The following TAFA2 variants were observed in gnomAD, a reference collection of about 807,000 sequenced individuals.
TAFA2 encodes the protein chemokine-like protein TAFA-2.
In TAFA2, 7 loss-of-function variants were observed where a neutral mutation model predicts 18.8. That is an observed-to-expected ratio of 0.37 (90% confidence interval 0.21 to 0.70). The LOEUF is 0.70. TAFA2 is among the 30% of genes least tolerant of loss of function. TAFA2 has a pLI of 0.53. For missense variants in TAFA2, 122 were observed against 158.1 expected, an observed-to-expected ratio of 0.77 and a Z score of 1.23; for synonymous variants, 60 against 54.2, an observed-to-expected ratio of 1.11 and a Z score of -0.47.
intron 1 of TAFA2, among the ~76,000 whole-genome samples, chr12:61,999,511 AT>A (rs1336048413): frequency 3.5e-4 from 53 of 152,338 alleles, no homozygotes; most frequent in African/African-American, 1.2e-3. Context: ...CCATTCGTTC[AT>A]TCATTGTTGG....
intron 1 of TAFA2, among the ~76,000 whole-genome samples, chr12:62,137,587 A>C (rs1870948697): frequency 6.6e-6 from 1 of 152,108 alleles, no homozygotes; most frequent in Non-Finnish European, 1.5e-5. Context: ...AAAACACGTT[A>C]GAGCTTAGGG....
intron 2 of TAFA2, among the ~76,000 whole-genome samples, chr12:61,811,802 G>A (rs1871881126): frequency 6.6e-6 from 1 of 151,286 alleles, no homozygotes; most frequent in South Asian, 2.1e-4. Flanking sequence ...ATCAAGAACA[G>A]GAAACGGATT....
At chr12:61,895,386 T>C (rs1875797839) in intron 1 of TAFA2, among the ~76,000 whole-genome samples, 1 of 152,094 alleles carries the variant, frequency 6.6e-6, no homozygotes, top group Non-Finnish European at 1.5e-5. Context: ...TCACCACCCA[T>C]AAAGCATACA....
chr12:61,941,712 G>T (rs555269389), intron 1 of TAFA2, among the ~76,000 whole-genome samples: 1 of 152,300 alleles, frequency 6.6e-6, no homozygotes, highest in South Asian at 2.1e-4. Flanking sequence ...GGAAAATGGG[G>T]TCACTCCCAC....
At position 62,205,290 on chromosome 12, in the gene TAFA2, G is replaced by A. The variant is rs964724286; in HGVS notation, c.-130+53473C>T. On this transcript the variant is annotated intron_variant, in intron 1 of 5. Coordinates refer to the TAFA2 transcript ENST00000551619. The stretch of plus-strand genomic sequence containing the variant: ...GTGTCTGGTGACCACTCTTGGGGGG[G>A]TCTCACCCAGTCAAGAGGCACAGGA... Among the ~76,000 whole-genome samples, 9 of 152,332 alleles carry A rather than the reference G, an allele frequency of 5.9e-5. No homozygotes were observed. The East Asian group carries it at 1.4e-3, about 23-fold the overall frequency.
intron 1 of TAFA2, chr12:62,021,564 C>G: frequency 1.3e-6 from 1 of 794,818 alleles, no homozygotes. Context: ...CAAGGAGACC[C>G]TGTTACGCTG....
At chr12:62,104,082 C>A (rs1380280727) in intron 1 of TAFA2, among the ~76,000 whole-genome samples, 1 of 152,040 alleles carries the variant, frequency 6.6e-6, no homozygotes, top group Non-Finnish European at 1.5e-5. Context: ...CAGAATCCTA[C>A]AATATAATTG....
At chr12:62,228,571 T>C (rs1283695457) in intron 1 of TAFA2, among the ~76,000 whole-genome samples, 1 of 152,238 alleles carries the variant, frequency 6.6e-6, no homozygotes, top group Non-Finnish European at 1.5e-5. Context: ...TTTTTTATAA[T>C]AGCCATTCTG....
At chr12:61,801,284 T>C (rs1182568495) in intron 2 of TAFA2, among the ~76,000 whole-genome samples, 1 of 152,114 alleles carries the variant, frequency 6.6e-6, no homozygotes, top group African/African-American at 2.4e-5. Context: ...AAAATTTGTA[T>C]GGAACCACAA....
rs1321350126 is a variant in TAFA2, at chr12:61,824,382, T to TGGTAA, written c.106+42933_106+42937dup. On this transcript the variant is annotated intron_variant, in intron 2 of 4. Coordinates refer to ENST00000416284, the MANE Select transcript of TAFA2 (RefSeq NM_178539.5). ...TGTGTTGTTTAAGCTGCTAAAATTA[T>TGGTAA]GGTAAGTTGCTATATGGCAATAGGT... Among the ~76,000 whole-genome samples, 3 of 152,196 alleles carry TGGTAA rather than the reference T, an allele frequency of 2.0e-5. No individual in the cohort carries two copies. In the East Asian group the frequency reaches 5.8e-4, roughly 29 times the overall value.
intron 2 of TAFA2, 83 bp from the exon 3 acceptor site, chr12:61,755,107 A>T (rs1869203399): frequency 2.2e-6 from 3 of 1,338,514 alleles, no homozygotes; most frequent in Non-Finnish European, 2.1e-6. Context: ...GCAGTACATT[A>T]AATATAGCTC....
At chr12:62,058,414 A>G (rs1592310065) in intron 1 of TAFA2, among the ~76,000 whole-genome samples, 3 of 152,110 alleles carry the variant, frequency 2.0e-5, no homozygotes, top group African/African-American at 7.2e-5. Flanking sequence ...GTATTGTTTT[A>G]TTTAGCCATA....
chr12:61,799,403 G>A (rs1871314212), intron 2 of TAFA2, among the ~76,000 whole-genome samples: 1 of 152,158 alleles, frequency 6.6e-6, no homozygotes, highest in African/African-American at 2.4e-5. Flanking sequence ...AGGGGAGAGT[G>A]CTAAGACGAA....
chr12:62,127,691 A>G (rs1019211333), intron 1 of TAFA2, among the ~76,000 whole-genome samples: 9 of 151,960 alleles, frequency 5.9e-5, no homozygotes, highest in Admixed American at 5.3e-4. Context: ...CAGTGCTCCC[A>G]AGTCAAAATG....
chr12:61,907,423 A>T (rs571499138), intron 1 of TAFA2, among the ~76,000 whole-genome samples: 6 of 152,226 alleles, frequency 3.9e-5, no homozygotes, highest in Admixed American at 6.5e-5. Flanking sequence ...GGCAGCTTAC[A>T]TGTGGTGTTG....
rs116509080 is a variant in TAFA2 at position 62,145,887 on chromosome 12, T to C, written c.-2+45372A>G. Among the ~76,000 whole-genome samples the C allele has an allele frequency of 1.7e-3, 266 of 152,342 alleles. 1 individual carries two copies. Among genetic ancestry groups the C allele is most frequent in the African/African-American group, 6.2e-3 (258 of 41,568 alleles). ...CCCAAGTGTTATACCCCACAGCCTT[T>C]TGCTGTTGGCGATACCCCCTTGGGT... On this transcript the variant is annotated intron_variant, in intron 1 of 4. Coordinates refer to ENST00000416284, the MANE Select transcript of TAFA2 (RefSeq NM_178539.5).
At chr12:62,109,496 G>T (rs943576438) in intron 1 of TAFA2, among the ~76,000 whole-genome samples, 8 of 152,142 alleles carry the variant, frequency 5.3e-5, no homozygotes, top group African/African-American at 7.2e-5. Flanking sequence ...ATTTAAAGTG[G>T]TTTTTTCTAA....
intron 2 of TAFA2, among the ~76,000 whole-genome samples, chr12:61,858,314 C>A (rs1873973246): frequency 6.6e-6 from 1 of 152,098 alleles, no homozygotes; most frequent in Non-Finnish European, 1.5e-5. Flanking sequence ...ACTGCCCTAC[C>A]ACGATTGCAA....
chr12:61,767,895 T>G lies in TAFA2; in HGVS notation c.107-12871A>C, dbSNP rs560617636. Among the ~76,000 whole-genome samples the G allele has an allele frequency of 1.3e-3, 202 of 152,266 alleles. 2 individuals carry two copies. Among genetic ancestry groups the G allele is most frequent in the African/African-American group, 4.3e-3 (178 of 41,570 alleles). On this transcript the variant is annotated intron_variant, in intron 2 of 4. Transcript: ENST00000416284. ...GTCATCTCAACTAAGCTTTTCATTG[T>G]TGTTGACATCTTCTGAAAATGTCCT... is the stretch of plus-strand genomic sequence containing the variant.
Sources: allele counts gnomAD v4.1 joint callset (sites outside exome capture counted in the v4.1 genomes callset), GRCh38; gene constraint gnomAD v4.1.1; transcripts MANE v1.5; gene names NCBI Gene and HGNC (gene_info 2026-07-23, HGNC 2026-07-21).